The following NPIPB2 variants were observed in gnomAD, a reference collection of about 807,000 sequenced individuals.
NPIPB2 encodes nuclear pore complex interacting protein family member B2.
In NPIPB2, 27 loss-of-function variants were observed where a neutral mutation model predicts 30.8. That is an observed-to-expected ratio of 0.88 (90% CI 0.65 to 1.21). The LOEUF (loss-of-function observed/expected upper bound fraction) is 1.21, where lower values mean the gene tolerates loss of function less well. Ranked by LOEUF, NPIPB2 falls within the 50% of genes most tolerant of loss-of-function variation. The pLI is 0.00. For synonymous variants in NPIPB2, 147 were observed against 162.0 expected (o/e 0.91, Z 0.70); for missense variants, 440 against 446.2 (o/e 0.99, Z 0.13).
At chr16:11,952,871 C>A (rs193022717) in intron 1 of NPIPB2, among the ~76,000 whole-genome samples, 2 of 151,842 alleles carry the variant, frequency 1.3e-5, no homozygotes, top group African/African-American at 2.4e-5. Context: ...TGGCCCTTAT[C>A]GCCATCTTTC....
At chr16:11,932,649 G>A (rs989066747) in intron 4 of NPIPB2, among the ~76,000 whole-genome samples, 2 of 136,782 alleles carry the variant, frequency 1.5e-5, no homozygotes, top group African/African-American at 5.2e-5. Flanking sequence ...GGTGGCATAT[G>A]CCTGTAGTCC....
rs1293095991 is a variant in NPIPB2, at chr16:11,975,139, AC to A, written c.-584+1428del. Among the ~76,000 whole-genome samples the A allele has an allele frequency of 3.4e-4, 18 of 53,562 alleles. 1 individual carries two copies. In the South Asian group the frequency reaches 0.016, roughly 47 times the overall value. The allele number at this position is 53,562 out of a possible 152,430, so 35.1% of individuals were successfully genotyped here. ...CACTTGTGTTCACACTCAATCCATC[AC>A]CTTTTTTTTTTTTTTTTTTTTTTTT... On this transcript the variant is annotated intron_variant, in intron 1 of 5. Transcript: ENST00000538896.
chr16:11,951,973 C>T (rs1472212711), intron 1 of NPIPB2, among the ~76,000 whole-genome samples: 2 of 152,092 alleles, frequency 1.3e-5, no homozygotes, highest in East Asian at 3.9e-4. Context: ...TTCTGATTAA[C>T]ACGGTGAAAC....
intron 1 of NPIPB2, among the ~76,000 whole-genome samples, chr16:11,972,931 C>T (rs188906754): frequency 1.1e-4 from 17 of 151,746 alleles, no homozygotes; most frequent in East Asian, 1.9e-4. Flanking sequence ...GAGGCCGAGG[C>T]GGGCGGATCA....
intron 1 of NPIPB2, among the ~76,000 whole-genome samples, chr16:11,959,347 T>C (rs952420424): frequency 8.5e-5 from 13 of 152,072 alleles, no homozygotes; most frequent in African/African-American, 2.9e-4. Context: ...TTTGGGAGGC[T>C]GAAGTGGGAG....
chr16:11,946,902 T>C (rs2055016198), upstream of NPIPB2, among the ~76,000 whole-genome samples: 1 of 151,700 alleles, frequency 6.6e-6, no homozygotes. Context: ...GTATTTTTAG[T>C]AGAGATGGGG....
At chr16:11,976,499 C>T (rs1286871668) in intron 1 of NPIPB2, 1 of 336,222 alleles carries the variant, frequency 3.0e-6, no homozygotes, top group African/African-American at 2.1e-5. Flanking sequence ...GTGGGAACCT[C>T]AGGAAGGCAG....
chr16:11,959,828 C>T lies in NPIPB2; in HGVS notation c.-584+16740G>A, dbSNP rs185711045. Among the ~76,000 whole-genome samples, 28 of 152,126 alleles carry T rather than the reference C, an allele frequency of 1.8e-4. No individual in the cohort carries two copies. The East Asian group carries it at 2.9e-3, about 16-fold the overall frequency. The stretch of plus-strand genomic sequence containing the variant: ...TTGCTCTGTTGCCCAGGCTGAAGTG[C>T]AGTAGCACACAACCATGGTTCACTG... On this transcript the variant is annotated intron_variant, in intron 1 of 5. Coordinates refer to the NPIPB2 transcript ENST00000538896.
intron 1 of NPIPB2, among the ~76,000 whole-genome samples, chr16:11,972,355 C>T (rs921511114): frequency 3.3e-5 from 5 of 152,158 alleles, no homozygotes; most frequent in African/African-American, 4.8e-5. Context: ...GTGGGCAGAT[C>T]GTAAGGTCAG....
intron 1 of NPIPB2, among the ~76,000 whole-genome samples, chr16:11,958,425 TAA>T (rs35610717): frequency 5.4e-4 from 75 of 137,714 alleles, no homozygotes; most frequent in Admixed American, 1.2e-3. Flanking sequence ...GAGACTCCGT[TAA>T]AAAAAAAAAA....
chr16:11,970,725 G>A (rs1447965596), intron 1 of NPIPB2, among the ~76,000 whole-genome samples: 2 of 151,346 alleles, frequency 1.3e-5, no homozygotes, highest in African/African-American at 4.9e-5. Flanking sequence ...TAATATAGAC[G>A]GGGTTTCACC....
intron 1 of NPIPB2, among the ~76,000 whole-genome samples, chr16:11,948,766 CAAA>C (rs34639444): frequency 2.5e-4 from 17 of 67,252 alleles, no homozygotes; most frequent in Non-Finnish European, 4.4e-4. Context: ...GACTCCGTCT[CAAA>C]AAAAAAAAAA....
chr16:11,935,883 A>G (rs364845), intron 2 of NPIPB2, among the ~76,000 whole-genome samples: 30,232 of 32,822 alleles, frequency 0.92, 14,473 homozygotes, highest in Middle Eastern at 1. Flanking sequence ...CACCCATGAT[A>G]TCCCTGCTTA....
intron 1 of NPIPB2, among the ~76,000 whole-genome samples, chr16:11,951,645 CACACACACACACACACACACA>C: frequency 6.9e-6 from 1 of 144,418 alleles, no homozygotes; most frequent in East Asian, 2.3e-4. Context: ...CACACACACA[CACACACACACACACACACACA>C]CCCAGCCCCC....
rs1028394353 is a variant in NPIPB2 at position 11,931,590 on chromosome 16, G to A, written c.489-1039C>T. 6.3e-4 allele frequency among the ~76,000 whole-genome samples: 96 copies of A among 152,076 alleles called. 1 individual carries two copies. Among genetic ancestry groups the A allele is most frequent in the South Asian group, 4.2e-4 (2 of 4,804 alleles). ...AATGGGAGCAGGGTCCTGTCCCCAC[G>A]CTAAAGAAGCTCACAGCTTAATGCA... On this transcript the variant is annotated intron_variant, in intron 4 of 7. Transcript: ENST00000399147.
At chr16:11,933,028 A>T (rs1260717183) in intron 4 of NPIPB2, among the ~76,000 whole-genome samples, 1 of 151,318 alleles carries the variant, frequency 6.6e-6, no homozygotes, top group Non-Finnish European at 1.5e-5. Flanking sequence ...TGGGAGGCTG[A>T]GGCAGGTGGA....
At chr16:11,974,914 A>T (rs368865303) in intron 1 of NPIPB2, among the ~76,000 whole-genome samples, 3 of 151,788 alleles carry the variant, frequency 2.0e-5, no homozygotes, top group East Asian at 4.0e-4. Context: ...TCTACTAAAA[A>T]AATACAAAAA....
At chr16:11,932,049 G>C (rs1698373710) in intron 4 of NPIPB2, among the ~76,000 whole-genome samples, 2 of 151,208 alleles carry the variant, frequency 1.3e-5, no homozygotes, top group African/African-American at 4.8e-5. Context: ...ACTGGCTCTG[G>C]TTGAGACCCA....
At chr16:11,973,836 C>A (rs1234650255) in intron 1 of NPIPB2, among the ~76,000 whole-genome samples, 1 of 152,106 alleles carries the variant, frequency 6.6e-6, no homozygotes, top group Non-Finnish European at 1.5e-5. Context: ...GGCTTGGAAC[C>A]CCAGCAAAAC....
Sources: gnomAD v4.1 joint callset for allele counts (sites outside exome capture counted in the v4.1 genomes callset) on GRCh38, gnomAD v4.1.1 for gene constraint, MANE v1.5 for transcripts, NCBI Gene and HGNC (gene_info 2026-07-23, HGNC 2026-07-21) for gene names.